Variants in BCAR3 observed in about 807,000 individuals in gnomAD.
BCAR3 encodes breast cancer anti-estrogen resistance protein 3.
In BCAR3, 37 loss-of-function variants were observed where a neutral mutation model predicts 80.1. The ratio of observed to expected loss-of-function variants is 0.46; its 90% CI spans 0.36 to 0.61. The LOEUF (loss-of-function observed/expected upper bound fraction) is 0.61. Among genes scored for constraint, BCAR3 ranks in the 20% least tolerant of loss-of-function variants. The pLI, the probability that BCAR3 is intolerant of heterozygous loss-of-function variation, is 0.00. For missense variants in BCAR3, 978 were observed against 1,068.2 expected, an observed-to-expected ratio of 0.92 and a Z score of 1.18; for synonymous variants, 389 against 418.9, an observed-to-expected ratio of 0.93 and a Z score of 0.87.
At chr1:93,724,998 G>A (rs1003875730) in intron 2 of BCAR3, among the ~76,000 whole-genome samples, 42 of 152,290 alleles carry the variant, frequency 2.8e-4, no homozygotes, top group African/African-American at 9.9e-4. Flanking sequence ...CACCTGTGGG[G>A]TAAGTTGCAC....
chr1:93,623,300 G>GA (rs1159480615), intron 3 of BCAR3, among the ~76,000 whole-genome samples: 1 of 152,120 alleles, frequency 6.6e-6, no homozygotes, highest in Non-Finnish European at 1.5e-5. Context: ...AAATGTAAGG[G>GA]GGGGAATGGT....
At chr1:93,782,891 G>A (rs911866926) in intron 2 of BCAR3, among the ~76,000 whole-genome samples, 1 of 152,150 alleles carries the variant, frequency 6.6e-6, no homozygotes, top group African/African-American at 2.4e-5. Context: ...AGACTGGGAG[G>A]AGATATTTTC....
chr1:93,653,150 T>C (rs1292180383), intron 2 of BCAR3, among the ~76,000 whole-genome samples: 1 of 152,218 alleles, frequency 6.6e-6, no homozygotes, highest in Non-Finnish European at 1.5e-5. Context: ...CAGTCTTAAG[T>C]TATAGAATGT....
At chr1:93,582,239 G>A in intron 7 of BCAR3, 62 bp downstream of exon 7, 1 of 1,549,564 alleles carries the variant, frequency 6.5e-7, no homozygotes, top group East Asian at 2.3e-5. Context: ...AGGAGCACCG[G>A]GACCCCTAGC....
At chr1:93,721,161 G>A (rs944066327) in intron 2 of BCAR3, among the ~76,000 whole-genome samples, 4 of 152,148 alleles carry the variant, frequency 2.6e-5, no homozygotes, top group African/African-American at 9.7e-5. Context: ...GGGTAGGAAA[G>A]GTTCCTCTGA....
chr1:93,669,514 T>C (rs1648102521), intron 2 of BCAR3, among the ~76,000 whole-genome samples: 1 of 152,126 alleles, frequency 6.6e-6, no homozygotes, highest in South Asian at 2.1e-4. Flanking sequence ...TCAGTTCCAC[T>C]CATGCAAACT....
chr1:93,615,435 A>C (rs1173781479), intron 3 of BCAR3, among the ~76,000 whole-genome samples: 1 of 152,204 alleles, frequency 6.6e-6, no homozygotes, highest in Non-Finnish European at 1.5e-5. Context: ...CGCTATTGCC[A>C]CAGCGAGTGT....
At chr1:93,670,957 G>T (rs1264463350) in intron 2 of BCAR3, among the ~76,000 whole-genome samples, 1 of 151,992 alleles carries the variant, frequency 6.6e-6, no homozygotes, top group African/African-American at 2.4e-5. Context: ...CCTCCGAGAG[G>T]ATGTATTTTC....
chr1:93,615,391 C>T (rs923646939), intron 3 of BCAR3, among the ~76,000 whole-genome samples: 3 of 152,174 alleles, frequency 2.0e-5, no homozygotes, highest in Non-Finnish European at 4.4e-5. Context: ...GCCTCATCAA[C>T]GTGTCAACAT....
chr1:93,745,746 A>G (rs778448490), intron 2 of BCAR3, among the ~76,000 whole-genome samples: 10 of 152,214 alleles, frequency 6.6e-5, no homozygotes, highest in Non-Finnish European at 1.0e-4. Flanking sequence ...TAAGGCTTTT[A>G]AGAAATTTTA....
intron 2 of BCAR3, among the ~76,000 whole-genome samples, chr1:93,778,208 G>A (rs1207916166): frequency 6.6e-6 from 1 of 152,112 alleles, no homozygotes. Flanking sequence ...ACTACAAACC[G>A]GTACTAGGGG....
intron 2 of BCAR3, among the ~76,000 whole-genome samples, chr1:93,657,355 C>A (rs1350306420): frequency 3.3e-5 from 5 of 152,056 alleles, no homozygotes. Flanking sequence ...TATAGTTTTA[C>A]TATATAGCAA....
At chr1:93,835,838 G>T (rs1654742941) in intron 2 of BCAR3, among the ~76,000 whole-genome samples, 1 of 152,142 alleles carries the variant, frequency 6.6e-6, no homozygotes, top group African/African-American at 2.4e-5. Context: ...TCACTGGATG[G>T]GTAAAGGCCT....
At chr1:93,760,234 G>A (rs57962863) in intron 2 of BCAR3, among the ~76,000 whole-genome samples, 17,797 of 152,128 alleles carry the variant, frequency 0.12, 1,460 homozygotes, top group African/African-American at 0.22. Flanking sequence ...GAGACAAATA[G>A]GGGAAGGGAG....
intron 2 of BCAR3, among the ~76,000 whole-genome samples, chr1:93,832,360 C>A (rs1654596476): frequency 6.6e-6 from 1 of 152,160 alleles, no homozygotes; most frequent in Non-Finnish European, 1.5e-5. Flanking sequence ...GGCCACTGGG[C>A]CAAGGAATGC....
chr1:93,821,145 C>A (rs1217797855), intron 2 of BCAR3, among the ~76,000 whole-genome samples: 1 of 152,140 alleles, frequency 6.6e-6, no homozygotes, highest in South Asian at 2.1e-4. Flanking sequence ...ACCTTCAAAT[C>A]ATCATTTGCC....
At chr1:93,638,801 T>A (rs1675885054) in intron 3 of BCAR3, among the ~76,000 whole-genome samples, 1 of 152,148 alleles carries the variant, frequency 6.6e-6, no homozygotes, top group African/African-American at 2.4e-5. Context: ...GACCTCATGA[T>A]TAGACAAAAG....
chr1:93,762,090 T>C (rs1651964650), intron 2 of BCAR3, among the ~76,000 whole-genome samples: 1 of 152,192 alleles, frequency 6.6e-6, no homozygotes, highest in Non-Finnish European at 1.5e-5. Flanking sequence ...GCTCTAAGTA[T>C]CACAAAGTAC....
chr1:93,826,895 A>C (rs561356330), intron 2 of BCAR3, among the ~76,000 whole-genome samples: 2 of 152,250 alleles, frequency 1.3e-5, no homozygotes, highest in East Asian at 3.9e-4. Flanking sequence ...AAGCATGTGC[A>C]TGTGCAAAAC....
Sources: gnomAD v4.1 joint callset for allele counts (sites outside exome capture counted in the v4.1 genomes callset) on GRCh38, gnomAD v4.1.1 for gene constraint, MANE v1.5 for transcripts, NCBI Gene and HGNC (gene_info 2026-07-23, HGNC 2026-07-21) for gene names.